Variants in THSD7B observed in about 807,000 individuals in gnomAD.
THSD7B encodes the protein thrombospondin type 1 domain containing 7B, also known as thrombospondin type-1 domain-containing protein 7B.
THSD7B carries 138 observed loss-of-function variants against 213.6 expected under a neutral mutation model. That is an observed-to-expected ratio of 0.65 (90% CI 0.56 to 0.74). THSD7B has a LOEUF of 0.74. Ranked by LOEUF, THSD7B falls within the 30% of genes least tolerant of loss-of-function variation. The probability of loss-of-function intolerance (pLI) is 0.00; values close to 1 mark genes in which losing one functional copy is unlikely to be tolerated. For synonymous variants in THSD7B, 742 were observed against 687.0 expected, an observed-to-expected ratio of 1.08 and a Z score of -1.25; for missense variants, 1,931 against 1,991.5, an observed-to-expected ratio of 0.97 and a Z score of 0.58.
At chr2:137,332,353 T>A (rs942165119) in intron 12 of THSD7B, among the ~76,000 whole-genome samples, 9 of 152,120 alleles carry the variant, frequency 5.9e-5, no homozygotes, top group Admixed American at 5.2e-4. Context: ...CGGCCCTGAG[T>A]CCCTTTGTTT....
At chr2:137,310,470 T>C (rs1429361619) in intron 12 of THSD7B, among the ~76,000 whole-genome samples, 3 of 148,812 alleles carry the variant, frequency 2.0e-5, no homozygotes, top group Admixed American at 6.7e-5. Flanking sequence ...TTCACTCTGA[T>C]GGTAGTTTCT....
rs114632698 is a variant in THSD7B, at chr2:137,340,778, A to G, written c.2500+64752A>G. 9.0e-3 allele frequency among the ~76,000 whole-genome samples: 1,367 copies of G among 151,926 alleles called. 11 individuals are homozygous for G. The highest frequency in any genetic ancestry group is 0.013 in the Non-Finnish European group (893 of 67,812). On this transcript the variant is annotated intron_variant, in intron 12 of 27. Transcript: ENST00000409968. Reference sequence around the variant, plus strand: ...AGAATTTCTCTTTTGAAATATGAATAGTATTCCATTGTGTATGTATCCCAC... The same window carrying G: ...AGAATTTCTCTTTTGAAATATGAATGGTATTCCATTGTGTATGTATCCCAC...
At chr2:137,662,423 C>A (rs1683368417) in intron 25 of THSD7B, among the ~76,000 whole-genome samples, 1 of 151,750 alleles carries the variant, frequency 6.6e-6, no homozygotes, top group Non-Finnish European at 1.5e-5. Flanking sequence ...TTCCCTCGTG[C>A]TCGCTGCAAC....
At chr2:136,801,581 C>A (rs72975576) in intron 1 of THSD7B, among the ~76,000 whole-genome samples, 1 of 152,008 alleles carries the variant, frequency 6.6e-6, no homozygotes, top group East Asian at 1.9e-4. Flanking sequence ...TTTGTTCTTC[C>A]TCTTCTGCTG....
chr2:136,856,872 T>G (rs2104968780), intron 1 of THSD7B, among the ~76,000 whole-genome samples: 1 of 152,300 alleles, frequency 6.6e-6, no homozygotes, highest in Admixed American at 6.5e-5. Context: ...TCCTTGAATC[T>G]TCAGTTTAGT....
At chr2:137,609,875 G>T (rs1032514570) in intron 17 of THSD7B, among the ~76,000 whole-genome samples, 1 of 152,132 alleles carries the variant, frequency 6.6e-6, no homozygotes, top group Non-Finnish European at 1.5e-5. Context: ...TGGCACAAAT[G>T]GTGAGAGGTA....
intron 1 of THSD7B, among the ~76,000 whole-genome samples, chr2:136,880,345 G>A (rs78413321): frequency 6.6e-6 from 1 of 152,080 alleles, no homozygotes; most frequent in Non-Finnish European, 1.5e-5. Context: ...ATATTTAGGG[G>A]CAATAACTTC....
chr2:137,662,001 C>A (rs1683353362), intron 25 of THSD7B, among the ~76,000 whole-genome samples: 1 of 151,972 alleles, frequency 6.6e-6, no homozygotes, highest in Non-Finnish European at 1.5e-5. Flanking sequence ...AGCCCATTTG[C>A]CCAGCTCCTG....
chr2:137,213,267 A>G (rs1681162213), intron 7 of THSD7B, among the ~76,000 whole-genome samples: 1 of 150,646 alleles, frequency 6.6e-6, no homozygotes, highest in African/African-American at 2.4e-5. Context: ...CATATTCTAT[A>G]TATCTGCTGT....
At chr2:137,134,699 C>T (rs746551217) in intron 5 of THSD7B, among the ~76,000 whole-genome samples, 1 of 152,200 alleles carries the variant, frequency 6.6e-6, no homozygotes, top group Non-Finnish European at 1.5e-5. Context: ...TGGTTATATA[C>T]ATTCCCTCTT....
chr2:136,998,261 C>CAAAAAAAAAAAAAAAAAAAAAAAAAAA (rs33931359), intron 2 of THSD7B, among the ~76,000 whole-genome samples: 12 of 98,386 alleles, frequency 1.2e-4, no homozygotes, highest in Non-Finnish European at 1.5e-4. Flanking sequence ...ACTAAAAGGC[C>CAAAAAAAAAAAAAAAAAAAAAAAAAAA]AAAAAAAAAA....
intron 7 of THSD7B, among the ~76,000 whole-genome samples, chr2:137,171,652 A>T (rs1371399318): frequency 7.9e-5 from 12 of 152,216 alleles, no homozygotes; most frequent in Non-Finnish European, 1.5e-4. Context: ...TTTATTAATC[A>T]GCTCTGCCAT....
At chr2:136,900,149 G>A (rs1375325048) in intron 2 of THSD7B, among the ~76,000 whole-genome samples, 2 of 152,202 alleles carry the variant, frequency 1.3e-5, no homozygotes, top group Non-Finnish European at 2.9e-5. Context: ...GATCTGACAT[G>A]TTTGCAGCTG....
intron 4 of THSD7B, among the ~76,000 whole-genome samples, chr2:137,108,691 C>A (rs1367720581): frequency 2.0e-5 from 3 of 152,102 alleles, no homozygotes; most frequent in Admixed American, 1.3e-4. Context: ...CTGCATCTAC[C>A]TTTTGAGAAT....
intron 12 of THSD7B, among the ~76,000 whole-genome samples, chr2:137,402,780 C>A (rs1686400632): frequency 7.1e-6 from 1 of 140,758 alleles, no homozygotes; most frequent in African/African-American, 2.7e-5. Flanking sequence ...CACATCACTG[C>A]ACTCTAGCCT....
intron 2 of THSD7B, among the ~76,000 whole-genome samples, chr2:137,014,260 C>T (rs1686291667): frequency 6.6e-6 from 1 of 152,166 alleles, no homozygotes; most frequent in South Asian, 2.1e-4. Context: ...GCCCCTGGCT[C>T]AGCATTCACA....
intron 1 of THSD7B, among the ~76,000 whole-genome samples, chr2:136,833,385 A>AAAAAGAG (rs1383636225): frequency 7.3e-6 from 1 of 136,314 alleles, no homozygotes; most frequent in African/African-American, 3.0e-5. Context: ...AAAAAAAAAA[A>AAAAAGAG]AGAGAGAGAG....
chr2:137,523,250 C>G (rs527259615), intron 15 of THSD7B, among the ~76,000 whole-genome samples: 2 of 152,260 alleles, frequency 1.3e-5, no homozygotes, highest in South Asian at 4.1e-4. Flanking sequence ...CTCATATAGT[C>G]TTCAGATGTT....
intron 1 of THSD7B, among the ~76,000 whole-genome samples, chr2:136,835,029 T>G (rs1682821663): frequency 6.6e-6 from 1 of 152,310 alleles, no homozygotes; most frequent in South Asian, 2.1e-4. Flanking sequence ...CATATTATTT[T>G]GAATAGTGGA....
Sources: gnomAD v4.1 joint callset for allele counts (sites outside exome capture counted in the v4.1 genomes callset) on GRCh38, gnomAD v4.1.1 for gene constraint, MANE v1.5 for transcripts, NCBI Gene and HGNC (gene_info 2026-07-23, HGNC 2026-07-21) for gene names.